The following INSYN2A variants were observed in gnomAD, a reference collection of about 807,000 sequenced individuals.
INSYN2A encodes inhibitory synaptic factor 2A.
INSYN2A carries 17 observed loss-of-function variants against 39.4 expected under a neutral mutation model. The observed-to-expected ratio is 0.43, with a 90% CI of 0.30 to 0.65. The LOEUF (loss-of-function observed/expected upper bound fraction) is 0.65. Ranked by LOEUF, INSYN2A falls within the 30% of genes least tolerant of loss-of-function variation. INSYN2A has a pLI of 0.14. For missense variants in INSYN2A, 595 were observed against 631.2 expected (o/e 0.94, Z 0.61); for synonymous variants, 255 against 265.7 (o/e 0.96, Z 0.39).
chr10:127,151,507 C>T (rs926342424), intron 5 of INSYN2A, among the ~76,000 whole-genome samples: 2 of 152,064 alleles, frequency 1.3e-5, no homozygotes, highest in Non-Finnish European at 2.9e-5. Context: ...ATCTAAAACT[C>T]CACTCTTCCT....
At chr10:127,140,711 G>C (rs573619916) in intron 5 of INSYN2A, among the ~76,000 whole-genome samples, 7 of 152,316 alleles carry the variant, frequency 4.6e-5, no homozygotes, top group Middle Eastern at 3.4e-3. Flanking sequence ...GGAGGAGGCA[G>C]CATCAGAAGG....
intron 2 of INSYN2A, among the ~76,000 whole-genome samples, chr10:127,184,360 C>T (rs1479256890): frequency 1.4e-5 from 2 of 146,228 alleles, no homozygotes; most frequent in African/African-American, 5.2e-5. Context: ...ATGCCCTATT[C>T]GTTTTTGTTT....
intron 2 of INSYN2A, 120 bp downstream of exon 2, chr10:127,192,485 G>A (rs563856955): frequency 2.6e-5 from 4 of 152,190 alleles, no homozygotes; most frequent in Non-Finnish European, 5.9e-5. Flanking sequence ...TATTCAGGTA[G>A]TGATTTGTCA....
chr10:127,157,458 G>T (rs1279057342), intron 4 of INSYN2A, among the ~76,000 whole-genome samples: 2 of 152,328 alleles, frequency 1.3e-5, no homozygotes, highest in East Asian at 1.9e-4. Flanking sequence ...CTTATAGGTG[G>T]TTGAATGACA....
chr10:127,189,894 CAG>C (rs149735521), intron 2 of INSYN2A, among the ~76,000 whole-genome samples: 22,751 of 152,038 alleles, frequency 0.15, 2,040 homozygotes, highest in African/African-American at 0.25. Flanking sequence ...GGGTCTGGCA[CAG>C]AGATCAATGG....
intron 4 of INSYN2A, among the ~76,000 whole-genome samples, chr10:127,168,405 T>C (rs2054271172): frequency 1.3e-5 from 2 of 152,274 alleles, no homozygotes; most frequent in South Asian, 4.1e-4. Context: ...ACAACCTTTT[T>C]GCTTCTGATC....
chr10:127,149,716 A>G (rs1260377486), intron 5 of INSYN2A, among the ~76,000 whole-genome samples: 3 of 152,156 alleles, frequency 2.0e-5, no homozygotes, highest in East Asian at 1.9e-4. Flanking sequence ...TGACATTACA[A>G]TGTGTGAACA....
In INSYN2A at chr10:127,154,020, G is replaced by A. The variant is rs1317721039; in HGVS notation, c.1185-97C>T. ...AAATCAAATGCCTTCCCAATGCCAA[G>A]CTCATCATGGTCATGGAAATTGATT... On this transcript the variant is annotated intron_variant, in intron 4 of 5. Coordinates refer to ENST00000522781, the MANE Select transcript of INSYN2A (RefSeq NM_001039762.3). The A allele has an allele frequency of 4.9e-6, 4 of 818,280 alleles. No individual in the cohort carries two copies. The African/African-American group carries it at 5.1e-5, about 10-fold the overall frequency. 50.7% of individuals were successfully genotyped at this position (818,280 alleles called of 1,614,324 possible).
chr10:127,195,530 C>CG (rs936117967), intron 1 of INSYN2A, among the ~76,000 whole-genome samples: 6 of 152,158 alleles, frequency 3.9e-5, no homozygotes, highest in Non-Finnish European at 8.8e-5. Flanking sequence ...TCATCCCCCC[C>CG]CCGAAGTTAA....
intron 2 of INSYN2A, among the ~76,000 whole-genome samples, chr10:127,177,723 T>C (rs1175986878): frequency 1.3e-5 from 2 of 152,226 alleles, no homozygotes; most frequent in African/African-American, 2.4e-5. Context: ...GCAGCACTCA[T>C]TGGAAAATGC....
At chr10:127,154,805 A>G (rs2052877931) in intron 4 of INSYN2A, among the ~76,000 whole-genome samples, 1 of 152,146 alleles carries the variant, frequency 6.6e-6, no homozygotes, top group Non-Finnish European at 1.5e-5. Context: ...TTTCTGTAGT[A>G]TATTGTTGAA....
intron 5 of INSYN2A, among the ~76,000 whole-genome samples, 160 bp downstream of exon 5, chr10:127,153,692 G>T (rs780248019): frequency 6.6e-6 from 1 of 152,158 alleles, no homozygotes; most frequent in Admixed American, 6.5e-5. Context: ...TACTTGGGGT[G>T]GGGTATTTAG....
intron 5 of INSYN2A, among the ~76,000 whole-genome samples, chr10:127,144,905 T>C (rs2051647467): frequency 1.3e-5 from 2 of 152,198 alleles, no homozygotes; most frequent in African/African-American, 4.8e-5. Context: ...GTAAGATCTG[T>C]CCCCTTTTCC....
intron 5 of INSYN2A, among the ~76,000 whole-genome samples, chr10:127,139,734 A>T (rs1460022492): frequency 1.3e-5 from 2 of 152,116 alleles, no homozygotes; most frequent in East Asian, 1.9e-4. Context: ...TTAAACTTCA[A>T]TTCTTTCACT....
At chr10:127,151,070 T>G (rs1272472201) in intron 5 of INSYN2A, among the ~76,000 whole-genome samples, 1 of 152,244 alleles carries the variant, frequency 6.6e-6, no homozygotes, top group East Asian at 1.9e-4. Context: ...TTTCAATTAA[T>G]GGACCAGAAG....
intron 1 of INSYN2A, among the ~76,000 whole-genome samples, chr10:127,195,734 A>G (rs1030609714): frequency 6.6e-6 from 1 of 152,116 alleles, no homozygotes; most frequent in Non-Finnish European, 1.5e-5. Flanking sequence ...GACGTCGCCA[A>G]AGTTGCCAGA....
chr10:127,151,735 C>A (rs2133473317), intron 5 of INSYN2A, among the ~76,000 whole-genome samples: 1 of 152,308 alleles, frequency 6.6e-6, no homozygotes, highest in South Asian at 2.1e-4. Context: ...TCGCCCTCTA[C>A]CTAGTGAGTC....
At chr10:127,164,332 C>A (rs961380443) in intron 4 of INSYN2A, among the ~76,000 whole-genome samples, 1 of 151,642 alleles carries the variant, frequency 6.6e-6, no homozygotes, top group Non-Finnish European at 1.5e-5. Context: ...TACAGGTGCC[C>A]GCCACCACAC....
At chr10:127,162,996 C>T (rs1232773234) in intron 4 of INSYN2A, among the ~76,000 whole-genome samples, 1 of 152,200 alleles carries the variant, frequency 6.6e-6, no homozygotes, top group Non-Finnish European at 1.5e-5. Context: ...TTCTAACCCG[C>T]ATGCAAACCT....
Sources: gnomAD v4.1 joint callset for allele counts (sites outside exome capture counted in the v4.1 genomes callset) on GRCh38, gnomAD v4.1.1 for gene constraint, MANE v1.5 for transcripts, NCBI Gene and HGNC (gene_info 2026-07-23, HGNC 2026-07-21) for gene names.